DCHS2: variants seen among roughly 807,000 people sequenced by gnomAD.
The protein encoded by DCHS2 is dachsous cadherin-related 2, also known as protocadherin-23.
DCHS2 carries 142 observed loss-of-function variants against 182.4 expected under a neutral mutation model. The observed-to-expected ratio is 0.78, with a 90% CI of 0.68 to 0.89. DCHS2 has a LOEUF of 0.89. Among genes scored for constraint, DCHS2 ranks in the 40% least tolerant of loss-of-function variants. DCHS2 has a pLI of 0.00. For missense variants in DCHS2, 4,319 were observed against 4,198.6 expected (o/e 1.03, Z -0.79); for synonymous variants, 1,740 against 1,663.3 (o/e 1.05, Z -1.12).
Position 154,315,817 on chromosome 4 carries a change from C to G in DCHS2, c.5191G>C (p.Ala1731Pro). The change falls in exon 10 of 20, where the codon GCC becomes CCC. Residue 1731 changes from alanine (A) to proline (P), a missense_variant. By Grantham distance (27) the Ala-to-Pro change is conservative. Coordinates refer to ENST00000357232, the MANE Select transcript of DCHS2 (RefSeq NM_001358235.2). ...GGATTTTGGTTTTCTTTCACTGAGGCTTCATACAGGTGCTGCTTAAATACT... is the reference window on the plus strand; with the variant it reads ...GGATTTTGGTTTTCTTTCACTGAGGGTTCATACAGGTGCTGCTTAAATACT... Reference protein sequence around the residue: ...APVFKQHLYEASVKENQNPGE... With the variant: ...APVFKQHLYEPSVKENQNPGE... The G allele has an allele frequency of 1.2e-6, 2 of 1,614,036 alleles. No homozygotes were observed. Among genetic ancestry groups the G allele is most frequent in the Non-Finnish European group, 1.7e-6 (2 of 1,179,986 alleles).
Position 154,366,432 on chromosome 4 carries a change from T to C in DCHS2, c.2254A>G (p.Ser752Gly). ...LVEAKDGGGL[S>G]AQAFVRVDLE... is the part of the protein sequence containing the mutation. ...TCCACACGAACAAAGGCTTGGGCACTTAGCCCACCCTGGTGGATGAATGAG... is the reference window on the plus strand; with the variant it reads ...TCCACACGAACAAAGGCTTGGGCACCTAGCCCACCCTGGTGGATGAATGAG... The change falls in exon 3 of 20, where the codon AGT (serine) becomes GGT (glycine). Residue 752 changes from serine (S) to glycine (G), a missense_variant. Physicochemically the swap from Ser to Gly is moderately conservative, Grantham distance 56. Coordinates refer to ENST00000357232, the MANE Select transcript of DCHS2 (RefSeq NM_001358235.2). 6.2e-7 allele frequency: 1 copy of C among 1,612,210 alleles called. No homozygotes were observed. Among genetic ancestry groups the C allele is most frequent in the South Asian group, 1.1e-5 (1 of 90,794 alleles).
Position 154,490,859 on chromosome 4 carries a change from C to A in DCHS2, c.497G>T (p.Arg166Leu), listed in dbSNP as rs865865103. The A allele has an allele frequency of 6.4e-7, 1 of 1,551,550 alleles. No homozygotes were observed. The highest frequency in any genetic ancestry group is 8.7e-7 in the Non-Finnish European group (1 of 1,146,942). ...RVNDVNDHSPRFPLDSLQLDV... is the reference protein window; with the variant it reads ...RVNDVNDHSPLFPLDSLQLDV... ...GAGTTGCAGGGAGTCGAGGGGAAAG[C>A]GGGGCGAGTGGTCATTCACGTCGTT... The change falls in exon 1 of 20, where the codon CGC becomes CTC. Residue 166 changes from arginine to leucine, a missense_variant. By Grantham distance (102) the Arg-to-Leu change is moderately radical. Transcript: ENST00000357232.
Position 154,489,762 on chromosome 4 carries a change from G to A in DCHS2, c.1594C>T (p.Leu532Phe), listed in dbSNP as rs1384954033. Residue 532 changes from leucine to phenylalanine, a missense_variant, in exon 1 of 20, where the codon CTC becomes TTC. By Grantham distance (22) the Leu-to-Phe change is conservative. Coordinates refer to ENST00000357232, the MANE Select transcript of DCHS2 (RefSeq NM_001358235.2). The part of the protein sequence containing the change: ...EETLLLRVAD[L>F]NDQPPLFSQQ... ...CTGAAGAGAGGTGGTTGGTCATTGA[G>A]GTCAGCGACCCGGAGTAGCAGCGTC... 2 of 1,551,544 alleles carry A rather than the reference G, an allele frequency of 1.3e-6. No individual in the cohort carries two copies. The highest frequency in any genetic ancestry group is 1.4e-5 in the African/African-American group (1 of 73,038).
At chr4:154,252,860 A>AT (rs943974316) in intron 16 of DCHS2, among the ~76,000 whole-genome samples, 5 of 151,914 alleles carry the variant, frequency 3.3e-5, no homozygotes, top group African/African-American at 9.7e-5. Flanking sequence ...TGGTAGCTCT[A>AT]TTTTTTTGAG....
intron 3 of DCHS2, chr4:154,357,090 A>G (rs1420807014): frequency 3.2e-6 from 2 of 618,370 alleles, no homozygotes; most frequent in Non-Finnish European, 5.8e-6. Context: ...GCGCTAGTAA[A>G]ATAATCTAAC....
At chr4:154,366,145 G>T in intron 3 of DCHS2, 65 bp downstream of exon 3, 2 of 1,310,690 alleles carry the variant, frequency 1.5e-6, no homozygotes, top group Non-Finnish European at 2.2e-6. Flanking sequence ...CTAATTTTCT[G>T]GCTGTTAAGT....
chr4:154,350,576 T>C (rs1315960543), intron 3 of DCHS2, among the ~76,000 whole-genome samples: 1 of 152,220 alleles, frequency 6.6e-6, no homozygotes, highest in Non-Finnish European at 1.5e-5. Context: ...GCCATGTAAA[T>C]ACCTGCTACT....
intron 1 of DCHS2, among the ~76,000 whole-genome samples, chr4:154,381,690 C>T (rs1731175662): frequency 6.6e-6 from 1 of 151,806 alleles, no homozygotes; most frequent in Non-Finnish European, 1.5e-5. Flanking sequence ...TTACAATAGC[C>T]ACCAAAAAAT....
At chr4:154,348,101 G>C (rs558680565) in intron 3 of DCHS2, among the ~76,000 whole-genome samples, 2 of 152,024 alleles carry the variant, frequency 1.3e-5, no homozygotes, top group East Asian at 3.9e-4. Flanking sequence ...CAGGGATGTG[G>C]GCTGATAGTC....
At chr4:154,343,083 G>T (rs988495231) in intron 3 of DCHS2, among the ~76,000 whole-genome samples, 1 of 152,174 alleles carries the variant, frequency 6.6e-6, no homozygotes, top group Non-Finnish European at 1.5e-5. Context: ...TCAGTGAGCA[G>T]TAATGATTTG....
In DCHS2 at chr4:154,333,203, C is replaced by A. The variant is rs139082640; in HGVS notation, c.3005G>T (p.Arg1002Leu). Residue 1002 changes from arginine to leucine, a missense_variant, in exon 5 of 20, where the codon CGT (arginine) becomes CTT (leucine). By Grantham distance (102) the Arg-to-Leu change is moderately radical. Coordinates refer to ENST00000357232, the MANE Select transcript of DCHS2 (RefSeq NM_001358235.2). Reference sequence around the variant, plus strand: ...CCGCCCACTGTCTCTGTCTTCCGCACGTGCGAGGTACAAGGCTGTGCCAGG... The same window carrying A: ...CCGCCCACTGTCTCTGTCTTCCGCAAGTGCGAGGTACAAGGCTGTGCCAGG... The part of the protein sequence containing the change: ...TPPGTALYLA[R>L]AEDRDSGRNG... 5.6e-5 allele frequency: 91 copies of A among 1,614,208 alleles called. No homozygotes were observed. In the Middle Eastern group the frequency reaches 2.3e-3, roughly 41 times the overall value.
intron 13 of DCHS2, among the ~76,000 whole-genome samples, chr4:154,287,855 T>G (rs975066184): frequency 6.6e-6 from 1 of 152,084 alleles, no homozygotes; most frequent in Non-Finnish European, 1.5e-5. Context: ...CAAGTTATCA[T>G]CAGTTTAAAA....
intron 3 of DCHS2, among the ~76,000 whole-genome samples, chr4:154,350,930 G>C (rs1246267216): frequency 6.6e-6 from 1 of 152,172 alleles, no homozygotes; most frequent in Non-Finnish European, 1.5e-5. Flanking sequence ...TGAGAAGTCA[G>C]ATCTCAGGGA....
chr4:154,441,171 C>T (rs1167851062), intron 1 of DCHS2, among the ~76,000 whole-genome samples: 2 of 152,098 alleles, frequency 1.3e-5, no homozygotes, highest in African/African-American at 4.8e-5. Context: ...AACGGAAAGC[C>T]TCATTGACTT....
chr4:154,482,652 G>A (rs1735965567), intron 1 of DCHS2, among the ~76,000 whole-genome samples: 1 of 152,190 alleles, frequency 6.6e-6, no homozygotes. Context: ...AAGTATAGAG[G>A]TAGAGGTAAA....
At chr4:154,485,568 C>T (rs1388075) in intron 1 of DCHS2, among the ~76,000 whole-genome samples, 80,244 of 152,100 alleles carry the variant, frequency 0.53, 21,661 homozygotes, top group East Asian at 0.84. Context: ...GCACCTTGCC[C>T]GTTTTGCTTG....
At chr4:154,406,081 C>A (rs1732388426) in intron 1 of DCHS2, among the ~76,000 whole-genome samples, 1 of 152,238 alleles carries the variant, frequency 6.6e-6, no homozygotes. Flanking sequence ...TCTCCTAGCA[C>A]TGGATGAACT....
In DCHS2 at chr4:154,320,818, G is replaced by A; in HGVS notation, c.4581C>T (p.Thr1527=). The change falls in exon 9 of 20, where the codon ACC becomes ACT. Residue 1527 remains threonine, a synonymous_variant. Coordinates refer to ENST00000357232, the MANE Select transcript of DCHS2 (RefSeq NM_001358235.2). ...CTTTGGCATTGAAGACATACACCAG[G>A]GTTCCTATGGGAACATTCTCCTCTA... ...ISVEENVPIG[T]LVYVFNAKDD... 1.2e-6 allele frequency: 2 copies of A among 1,613,944 alleles called. No homozygotes were observed. The highest frequency in any genetic ancestry group is 1.7e-6 in the Non-Finnish European group (2 of 1,179,974).
At chr4:154,434,624 A>T (rs1314778206) in intron 1 of DCHS2, among the ~76,000 whole-genome samples, 1 of 152,092 alleles carries the variant, frequency 6.6e-6, no homozygotes, top group Non-Finnish European at 1.5e-5. Context: ...ATTATAACTA[A>T]CCTGTACCTA....
Sources: allele counts gnomAD v4.1 joint callset (sites outside exome capture counted in the v4.1 genomes callset), GRCh38; gene constraint gnomAD v4.1.1; transcripts MANE v1.5; gene names NCBI Gene and HGNC (gene_info 2026-07-23, HGNC 2026-07-21).